The following CPXM2 variants were observed in gnomAD, a reference collection of about 807,000 sequenced individuals.
The protein encoded by CPXM2 is carboxypeptidase X, M14 family member 2, also known as inactive carboxypeptidase-like protein X2.
In CPXM2, 66 loss-of-function variants were observed where a neutral mutation model predicts 86.1. The observed-to-expected ratio is 0.77, with a 90% CI of 0.63 to 0.94. The LOEUF is 0.94. CPXM2 is among the 40% of genes least tolerant of loss of function. The probability of loss-of-function intolerance (pLI) is 0.00; values close to 1 mark genes in which losing one functional copy is unlikely to be tolerated. For synonymous variants in CPXM2, 388 were observed against 400.2 expected (o/e 0.97, Z 0.36); for missense variants, 948 against 1,026.3 (o/e 0.92, Z 1.04).
chr10:123,769,608 G>A (rs1846579923), intron 8 of CPXM2: 1 of 151,982 alleles, frequency 6.6e-6, no homozygotes, highest in Non-Finnish European at 1.5e-5. Flanking sequence ...TAAAAGAGGT[G>A]GTGCCTTCAA....
intron 3 of CPXM2, among the ~76,000 whole-genome samples, chr10:123,861,150 G>C (rs1029943131): frequency 2.6e-5 from 4 of 152,156 alleles, no homozygotes; most frequent in African/African-American, 9.7e-5. Context: ...ACCGCTGGGG[G>C]AGTCAGGGGT....
chr10:123,898,974 TC>T, intron 2 of CPXM2, among the ~76,000 whole-genome samples: 1 of 152,310 alleles, frequency 6.6e-6, no homozygotes, highest in South Asian at 2.1e-4. Context: ...GGTCTCGAAC[TC>T]CTGACCTCAG....
intron 2 of CPXM2, among the ~76,000 whole-genome samples, chr10:123,917,556 A>T (rs536478149): frequency 2.6e-4 from 39 of 152,352 alleles, no homozygotes; most frequent in Admixed American, 1.4e-3. Context: ...CTCAGATTTT[A>T]ATGGCACCTT....
chr10:123,918,392 G>A (rs1323617703), intron 2 of CPXM2, among the ~76,000 whole-genome samples: 1 of 152,152 alleles, frequency 6.6e-6, no homozygotes, highest in Admixed American at 6.5e-5. Context: ...ACTCAGGACA[G>A]ACTATATAAA....
In CPXM2 at chr10:123,891,388, C is replaced by T. The variant is rs1285414559; in HGVS notation, c.272G>A (p.Arg91Lys). Residue 91 changes from arginine to lysine, a missense_variant, in exon 1 of 14, where the codon AGG (arginine) becomes AAG (lysine). Coordinates refer to ENST00000241305, the MANE Select transcript of CPXM2 (RefSeq NM_198148.3). This position sits in a 1 kb window ranked among gnomAD's most constrained non-coding sequence, Gnocchi z 5.6. Reference protein sequence around the residue: ...RATKPKKAPKREKSAPEPPPP... With the variant: ...RATKPKKAPKKEKSAPEPPPP... Reference sequence around the variant, plus strand: ...AGGCGGCTCCGGAGCCGACTTCTCCCTCTTGGGAGCTTTCTTGGGCTTGGT... The same window carrying T: ...AGGCGGCTCCGGAGCCGACTTCTCCTTCTTGGGAGCTTTCTTGGGCTTGGT... 3.2e-6 allele frequency: 5 copies of T among 1,568,152 alleles called. No homozygotes were observed. The highest frequency in any genetic ancestry group is 4.3e-6 in the Non-Finnish European group (5 of 1,156,656).
At chr10:123,910,272 T>TA (rs555325458) in intron 2 of CPXM2, among the ~76,000 whole-genome samples, 127 of 152,306 alleles carry the variant, frequency 8.3e-4, no homozygotes, top group Non-Finnish European at 1.5e-3. Context: ...AGGTTTTTTT[T>TA]ACTCCTTCTC....
intron 2 of CPXM2, among the ~76,000 whole-genome samples, chr10:123,878,296 CTTTTTTT>C (rs72163200): frequency 5.7e-5 from 7 of 122,842 alleles, no homozygotes; most frequent in Non-Finnish European, 8.2e-5. Flanking sequence ...TTTTTTCTCT[CTTTTTTT>C]TTTTTTTTTT....
chr10:123,857,774 A>G (rs1298682980), intron 3 of CPXM2, among the ~76,000 whole-genome samples: 1 of 152,242 alleles, frequency 6.6e-6, no homozygotes, highest in Non-Finnish European at 1.5e-5. Flanking sequence ...AACAGGAGGC[A>G]CAGGGCACCA....
chr10:123,899,923 AGAG>A (rs1374388404), intron 2 of CPXM2, among the ~76,000 whole-genome samples: 2 of 152,242 alleles, frequency 1.3e-5, no homozygotes, highest in African/African-American at 2.4e-5. Flanking sequence ...AAAAATAAGA[AGAG>A]GAGGAATTAA....
intron 2 of CPXM2, among the ~76,000 whole-genome samples, chr10:123,898,881 A>C (rs1945359440): frequency 6.6e-6 from 1 of 152,160 alleles, no homozygotes; most frequent in African/African-American, 2.4e-5. Flanking sequence ...AGTAGCTGGG[A>C]TTATAGGCAT....
At chr10:123,839,759 C>T (rs375939634) in intron 4 of CPXM2, among the ~76,000 whole-genome samples, 193 of 152,244 alleles carry the variant, frequency 1.3e-3, no homozygotes, top group African/African-American at 4.5e-3. Flanking sequence ...GCTCAGATAC[C>T]AAGATGTATC....
At chr10:123,801,168 G>A (rs1847449497) in intron 4 of CPXM2, among the ~76,000 whole-genome samples, 1 of 152,186 alleles carries the variant, frequency 6.6e-6, no homozygotes, top group South Asian at 2.1e-4. Flanking sequence ...GGGGGACCCA[G>A]TGGGAGGTAA....
intron 8 of CPXM2, chr10:123,769,689 C>T (rs1377357463): frequency 3.3e-5 from 5 of 152,278 alleles, no homozygotes; most frequent in Non-Finnish European, 7.3e-5. Flanking sequence ...TGACCTTCTG[C>T]TCCTGCCATG....
chr10:123,920,361 T>TG (rs75375098), intron 2 of CPXM2, among the ~76,000 whole-genome samples: 3,052 of 152,286 alleles, frequency 0.02, 85 homozygotes, highest in East Asian at 0.094. Context: ...TCACCAGTAG[T>TG]TATAAATTTA....
At chr10:123,803,118 C>CTTTTTTTTTTTTTTTTTTTTTTTTTTTT (rs532954173) in intron 4 of CPXM2, among the ~76,000 whole-genome samples, 1 of 63,634 alleles carries the variant, frequency 1.6e-5, no homozygotes, top group Non-Finnish European at 3.1e-5. Flanking sequence ...TTGTAGTACC[C>CTTTTTTTTTTTTTTTTTTTTTTTTTTTT]TTTTTTTTTT....
At chr10:123,774,213 G>A (rs936016831) in intron 7 of CPXM2, among the ~76,000 whole-genome samples, 3 of 152,148 alleles carry the variant, frequency 2.0e-5, no homozygotes, top group Non-Finnish European at 4.4e-5. Context: ...GTGGGCAGGT[G>A]CCCGTTAGGG....
At chr10:123,898,314 C>T (rs369862209) in intron 2 of CPXM2, among the ~76,000 whole-genome samples, 7 of 152,166 alleles carry the variant, frequency 4.6e-5, no homozygotes, top group Admixed American at 2.0e-4. Context: ...CTAAGCCAGG[C>T]GCAATGGCAC....
chr10:123,887,715 C>T (rs1945201482), intron 1 of CPXM2, among the ~76,000 whole-genome samples: 1 of 152,088 alleles, frequency 6.6e-6, no homozygotes, highest in Admixed American at 6.5e-5. Flanking sequence ...AACACACACA[C>T]ACACATACAC....
At chr10:123,831,149 G>A (rs775124651) in intron 4 of CPXM2, among the ~76,000 whole-genome samples, 6 of 152,196 alleles carry the variant, frequency 3.9e-5, no homozygotes, top group East Asian at 1.9e-4. Flanking sequence ...GAAAGCTGGC[G>A]AAATGCCACT....
Sources: gnomAD v4.1 joint callset for allele counts (sites outside exome capture counted in the v4.1 genomes callset) on GRCh38, gnomAD v4.1.1 for gene constraint, Gnocchi (gnomAD v3.1) non-coding constraint, MANE v1.5 for transcripts, NCBI Gene and HGNC (gene_info 2026-07-23, HGNC 2026-07-21) for gene names.